Variants in MAD1L1 observed in about 807,000 individuals in gnomAD.
MAD1L1 encodes the protein mitotic arrest deficient 1 like 1.
MAD1L1 carries 95 observed loss-of-function variants against 96.9 expected under a neutral mutation model. The observed-to-expected ratio is 0.98, with a 90% CI of 0.83 to 1.16. MAD1L1 has a LOEUF of 1.16. Ranked by LOEUF, MAD1L1 falls within the 50% of genes most tolerant of loss-of-function variation. The pLI is 0.00. For missense variants in MAD1L1, 1,007 were observed against 954.4 expected (o/e 1.06, Z -0.73); for synonymous variants, 473 against 396.6 (o/e 1.19, Z -2.29).
chr7:1,850,745 G>A (rs1468880192), intron 18 of MAD1L1, among the ~76,000 whole-genome samples: 2 of 152,180 alleles, frequency 1.3e-5, no homozygotes, highest in Admixed American at 6.5e-5. Context: ...CTGCATACTG[G>A]CCCTGCCCAG....
chr7:2,127,794 C>G (rs1185355707), intron 11 of MAD1L1, among the ~76,000 whole-genome samples: 1 of 152,160 alleles, frequency 6.6e-6, no homozygotes, highest in East Asian at 1.9e-4. Context: ...GTCAGGGGAG[C>G]AGACGCCTGC....
intron 18 of MAD1L1, chr7:1,847,747 C>A: frequency 2.1e-6 from 1 of 468,440 alleles, no homozygotes; most frequent in South Asian, 1.5e-5. Context: ...GCCCGGGACA[C>A]GGAACACACT....
intron 3 of MAD1L1, among the ~76,000 whole-genome samples, chr7:2,228,359 A>C (rs1794016821): frequency 6.6e-6 from 1 of 151,920 alleles, no homozygotes; most frequent in African/African-American, 2.4e-5. Context: ...CCCAGGTTCA[A>C]GCGATTCTCC....
rs1398046861 is a variant in MAD1L1, at chr7:1,940,964, GCAGGCCTCACCCTCCTCTTCCTCTCC to G, written c.1597-4093_1597-4068del. ...GCCTCACCCTCCTCTTCCTCCCCCC[GCAGGCCTCACCCTCCTCTTCCTCTCC>G]CAGGCCTCAGCCTCCTCTTCCTCCC... On this transcript the variant is annotated intron_variant, in intron 16 of 18. Transcript: ENST00000265854. Among the ~76,000 whole-genome samples the G allele has an allele frequency of 4.3e-3, 278 of 64,120 alleles. 1 individual carries two copies. The highest frequency in any genetic ancestry group is 9.2e-3 in the Admixed American group (67 of 7,312). 42.1% of individuals were successfully genotyped at this position (64,120 alleles called of 152,430 possible).
chr7:1,898,553 C>A (rs575231589), intron 17 of MAD1L1, among the ~76,000 whole-genome samples, 163 bp from the exon 18 acceptor site: 1 of 152,290 alleles, frequency 6.6e-6, no homozygotes, highest in South Asian at 2.1e-4. Flanking sequence ...CATCGGCATG[C>A]ATGAGGGAAC....
intron 15 of MAD1L1, among the ~76,000 whole-genome samples, chr7:1,974,175 G>A (rs1780528862): frequency 6.6e-6 from 1 of 152,218 alleles, no homozygotes; most frequent in Non-Finnish European, 1.5e-5. Context: ...GGAGCTGGCA[G>A]CACAGGCCCC....
chr7:1,984,179 G>C (rs1180210014), intron 14 of MAD1L1, among the ~76,000 whole-genome samples: 2 of 152,210 alleles, frequency 1.3e-5, no homozygotes, highest in Non-Finnish European at 2.9e-5. Context: ...AATTGTTTAA[G>C]ACACAGTGTT....
intron 11 of MAD1L1, among the ~76,000 whole-genome samples, chr7:2,093,195 A>G (rs1169914167): frequency 6.7e-6 from 1 of 149,484 alleles, no homozygotes; most frequent in African/African-American, 2.5e-5. Context: ...CAGTGAGCCA[A>G]GATAGCACCA....
intron 10 of MAD1L1, among the ~76,000 whole-genome samples, chr7:2,153,822 T>A (rs886382919): frequency 3.3e-5 from 5 of 151,998 alleles, no homozygotes; most frequent in African/African-American, 1.2e-4. Context: ...ATAAAGAAAA[T>A]GGGGATGTAC....
intron 11 of MAD1L1, among the ~76,000 whole-genome samples, chr7:2,083,050 C>T (rs777282197): frequency 9.8e-5 from 15 of 152,312 alleles, no homozygotes; most frequent in African/African-American, 1.9e-4. Flanking sequence ...GGGGAAGAGC[C>T]GTCCCTCCCT....
At chr7:1,893,437 G>A (rs1232855822) in intron 18 of MAD1L1, among the ~76,000 whole-genome samples, 2 of 152,218 alleles carry the variant, frequency 1.3e-5, no homozygotes, top group African/African-American at 4.8e-5. Context: ...AGAATCATTT[G>A]GGGGAAAATC....
chr7:2,164,201 C>T lies in MAD1L1; in HGVS notation c.987-14963G>A, dbSNP rs567156917. Among the ~76,000 whole-genome samples, 4 of 152,318 alleles carry T rather than the reference C, an allele frequency of 2.6e-5. No homozygotes were observed. In the East Asian group the frequency reaches 7.7e-4, roughly 29 times the overall value. Reference sequence around the variant, plus strand: ...AAATAAATATTTCTCTATCCACTGGCCTCTTTCCAGAGGAGACATAAGGTG... The same window carrying T: ...AAATAAATATTTCTCTATCCACTGGTCTCTTTCCAGAGGAGACATAAGGTG... On this transcript the variant is annotated intron_variant, in intron 10 of 18. Coordinates refer to ENST00000265854, the MANE Select transcript of MAD1L1 (RefSeq NM_001013836.2).
At chr7:2,221,756 G>A (rs1793620854) in intron 5 of MAD1L1, among the ~76,000 whole-genome samples, 1 of 152,158 alleles carries the variant, frequency 6.6e-6, no homozygotes, top group South Asian at 2.1e-4. Context: ...TGCAAATCCA[G>A]ACGTGCCTCC....
chr7:2,112,539 C>A (rs1787434846), intron 11 of MAD1L1, among the ~76,000 whole-genome samples: 1 of 152,200 alleles, frequency 6.6e-6, no homozygotes, highest in South Asian at 2.1e-4. Flanking sequence ...ATTAGCAATT[C>A]CAGAAAGACC....
chr7:1,931,874 C>G (rs1469230159), intron 17 of MAD1L1, among the ~76,000 whole-genome samples: 2 of 152,188 alleles, frequency 1.3e-5, no homozygotes, highest in African/African-American at 2.4e-5. Flanking sequence ...GCTCATGGCT[C>G]TTGGCAGCCA....
At chr7:2,155,475 C>T (rs1055007174) in intron 10 of MAD1L1, among the ~76,000 whole-genome samples, 1 of 152,182 alleles carries the variant, frequency 6.6e-6, no homozygotes, top group Non-Finnish European at 1.5e-5. Flanking sequence ...CTCCCACAGC[C>T]CCTCTGCTCC....
intron 16 of MAD1L1, among the ~76,000 whole-genome samples, chr7:1,938,963 C>CACAT (rs1778784075): frequency 6.9e-6 from 1 of 144,272 alleles, no homozygotes; most frequent in Non-Finnish European, 1.5e-5. Context: ...GGCGCACACA[C>CACAT]ACGGGCCAGG....
chr7:2,033,560 C>T (rs950258964), intron 12 of MAD1L1, among the ~76,000 whole-genome samples: 2 of 152,216 alleles, frequency 1.3e-5, no homozygotes, highest in Non-Finnish European at 2.9e-5. Context: ...AAATCACTAA[C>T]ACGGTAATAG....
intron 10 of MAD1L1, among the ~76,000 whole-genome samples, chr7:2,180,436 C>T (rs1349653753): frequency 1.3e-5 from 2 of 152,186 alleles, no homozygotes; most frequent in Admixed American, 6.5e-5. Context: ...CTAAAGCATG[C>T]CGAACTTCCA....
Sources: gnomAD v4.1 joint callset for allele counts (sites outside exome capture counted in the v4.1 genomes callset) on GRCh38, gnomAD v4.1.1 for gene constraint, MANE v1.5 for transcripts, NCBI Gene and HGNC (gene_info 2026-07-23, HGNC 2026-07-21) for gene names.